C8orf74: variants seen among roughly 807,000 people sequenced by gnomAD.
The protein encoded by C8orf74 is chromosome 8 open reading frame 74, also known as uncharacterized protein C8orf74.
Under a neutral mutation model 22.2 loss-of-function variants are expected in C8orf74, and 29 were observed. That is an observed-to-expected ratio of 1.31 (90% CI 0.97 to 1.78). The LOEUF (loss-of-function observed/expected upper bound fraction) is 1.78, where lower values mean the gene tolerates loss of function less well. Among genes scored for constraint, C8orf74 ranks in the 40% most tolerant of loss-of-function variants. The pLI is 0.00. For synonymous variants in C8orf74, 255 were observed against 163.1 expected, an observed-to-expected ratio of 1.56 and a Z score of -4.30; for missense variants, 515 against 369.9, an observed-to-expected ratio of 1.39 and a Z score of -3.22.
chr8:10,680,347 A>G (rs6601502), intron 2 of C8orf74, among the ~76,000 whole-genome samples: 1 of 152,228 alleles, frequency 6.6e-6, no homozygotes, highest in African/African-American at 2.4e-5. Flanking sequence ...TACTTATAGG[A>G]AGGAGCAAAT....
intron 2 of C8orf74, chr8:10,680,122 T>C (rs1326589802): frequency 6.6e-6 from 1 of 152,246 alleles, no homozygotes; most frequent in Non-Finnish European, 1.5e-5. Context: ...GAGTTCAAGA[T>C]GCGCAGAGGC....
At chr8:10,696,441 C>CTTTTTTTTTTTTTTTTT (rs546082377) in intron 2 of C8orf74, among the ~76,000 whole-genome samples, 10 of 102,440 alleles carry the variant, frequency 9.8e-5, no homozygotes, top group South Asian at 3.2e-4. Flanking sequence ...CTTTTCTTTT[C>CTTTTTTTTTTTTTTTTT]TTTTTTTTTT....
Position 10,700,295 on chromosome 8 carries a change from C to A in C8orf74, c.709C>A (p.Leu237Met). ...CCAGATGGAGCTCCTGCAGGAGCTGCTGCAGCGCCAGATCCAGAACACATT... is the reference window on the plus strand; with the variant it reads ...CCAGATGGAGCTCCTGCAGGAGCTGATGCAGCGCCAGATCCAGAACACATT... ...HTQMELLQEL[L>M]QRQIQNTFAI... The change falls in exon 4 of 4, where the codon CTG becomes ATG. Residue 237 changes from leucine to methionine, a missense_variant. Transcript: ENST00000304519. 1 of 1,613,626 alleles carries A rather than the reference C, an allele frequency of 6.2e-7. No individual in the cohort carries two copies. Among genetic ancestry groups the A allele is most frequent in the Non-Finnish European group, 8.5e-7 (1 of 1,179,620 alleles).
rs1021511174 is a variant in C8orf74, at chr8:10,700,219, T to C, written c.649-16T>C. 6.4e-7 allele frequency: 1 copy of C among 1,563,252 alleles called. No individual in the cohort carries two copies. The highest frequency in any genetic ancestry group is 1.1e-5 in the South Asian group (1 of 87,260). Reference sequence around the variant, plus strand: ...GCTCCCCAGCCCTGCTCATCGGCCTTCCCCTTTCCTTCCAGGAGTTGGAGA... The same window carrying C: ...GCTCCCCAGCCCTGCTCATCGGCCTCCCCCTTTCCTTCCAGGAGTTGGAGA... On this transcript the variant is annotated splice_polypyrimidine_tract_variant and intron_variant, in intron 3 of 3. Transcript: ENST00000304519.
chr8:10,700,367 G>GCCCCCCCCCCCATACCCCCCCCCCACAC lies in C8orf74; in HGVS notation c.786_787insCCCCCCATACCCCCCCCCCACACCCCCC (p.Thr263ProfsTer66). ...TCAGAAGAAGACTCTGAACCTCAAC[G>GCCCCCCCCCCCATACCCCCCCCCCACAC]CCCCCACCCCTATCCCGCCCCCCAT... On this transcript the variant is annotated frameshift_variant, in exon 4 of 4. Coordinates refer to ENST00000304519, the MANE Select transcript of C8orf74 (RefSeq NM_001040032.2). LOFTEE classifies it low-confidence loss of function (END_TRUNC). 1.9e-6 allele frequency: 3 copies of GCCCCCCCCCCCATACCCCCCCCCCACAC among 1,590,926 alleles called. No homozygotes were observed. The highest frequency in any genetic ancestry group is 2.6e-6 in the Non-Finnish European group (3 of 1,159,756).
chr8:10,698,081 A>G, intron 3 of C8orf74, 76 bp downstream of exon 3: 1 of 1,377,126 alleles, frequency 7.3e-7, no homozygotes, highest in South Asian at 1.5e-5. Context: ...GTCACTGCAG[A>G]TGGGAGCTCC....
intron 2 of C8orf74, among the ~76,000 whole-genome samples, chr8:10,687,826 C>A (rs1227330107): frequency 6.6e-6 from 1 of 152,040 alleles, no homozygotes; most frequent in African/African-American, 2.4e-5. Context: ...GAGAAAAATG[C>A]ATAAATTATA....
In C8orf74 at chr8:10,674,699, C is replaced by A. The variant is rs753430473; in HGVS notation, c.102C>A (p.Asp34Glu). Residue 34 changes from aspartate to glutamate, a missense_variant, in exon 2 of 4, where the codon GAC becomes GAA. By Grantham distance (45) the Asp-to-Glu change is conservative. Coordinates refer to ENST00000304519, the MANE Select transcript of C8orf74 (RefSeq NM_001040032.2). The stretch of plus-strand genomic sequence containing the variant: ...GGCTTCTGAACTGGGAGGAGTTTGA[C>A]GAACAGAGAGACTCCCGGAGGAGCA... ...LRRLLNWEEFDEQRDSRRSIL... is the reference protein window; with the variant it reads ...LRRLLNWEEFEEQRDSRRSIL... 1 of 1,609,742 alleles carries A rather than the reference C, an allele frequency of 6.2e-7. No individual in the cohort carries two copies. Among genetic ancestry groups the A allele is most frequent in the Non-Finnish European group, 8.5e-7 (1 of 1,178,074 alleles).
At chr8:10,697,490 G>A in intron 2 of C8orf74, 109 bp from the exon 3 acceptor site, 3 of 854,702 alleles carry the variant, frequency 3.5e-6, no homozygotes, top group East Asian at 5.0e-5. Flanking sequence ...AAAATGCAGT[G>A]GGGACATGGG....
chr8:10,697,658 C>T lies in C8orf74; in HGVS notation c.301C>T (p.His101Tyr), dbSNP rs754654569. 1.2e-6 allele frequency: 2 copies of T among 1,613,968 alleles called. No homozygotes were observed. Among genetic ancestry groups the T allele is most frequent in the Admixed American group, 1.7e-5 (1 of 60,022 alleles). The part of the protein sequence containing the change: ...LGNKLRDYRG[H>Y]FNTTHLLALC... ...GAACAAGCTTAGAGATTACCGGGGC[C>T]ATTTCAACACCACCCACCTGCTGGC... The change falls in exon 3 of 4, where the codon CAT becomes TAT. Residue 101 changes from histidine (H) to tyrosine (Y), a missense_variant. Physicochemically the swap from His to Tyr is moderately conservative, Grantham distance 83. Transcript: ENST00000304519.
chr8:10,696,102 C>G (rs1799491425), intron 2 of C8orf74, among the ~76,000 whole-genome samples: 1 of 152,048 alleles, frequency 6.6e-6, no homozygotes, highest in Non-Finnish European at 1.5e-5. Flanking sequence ...CATTTGCTCA[C>G]CAGGGTAGGC....
chr8:10,684,431 T>C (rs537672917), intron 2 of C8orf74, among the ~76,000 whole-genome samples: 74 of 152,322 alleles, frequency 4.9e-4, no homozygotes, highest in Admixed American at 3.7e-3. Flanking sequence ...CAAGAGTCCA[T>C]GACAGTCTTT....
chr8:10,700,586 A>C lies in C8orf74; in HGVS notation c.*115A>C. ...GACTTCTTGTGATTAAAAGAAACAA[A>C]CCCATGCCATCATCTGGTCTCTGTC... On this transcript the variant is annotated 3_prime_UTR_variant, in exon 4 of 4. Coordinates refer to ENST00000304519, the MANE Select transcript of C8orf74 (RefSeq NM_001040032.2). 2 of 623,514 alleles carry C rather than the reference A, an allele frequency of 3.2e-6. No individual in the cohort carries two copies. The highest frequency in any genetic ancestry group is 2.7e-6 in the Non-Finnish European group (1 of 368,088). The allele number at this position is 623,514 out of a possible 1,614,324, so 38.6% of individuals were successfully genotyped here.
At chr8:10,678,562 C>T (rs952770526) in intron 2 of C8orf74, among the ~76,000 whole-genome samples, 4 of 146,610 alleles carry the variant, frequency 2.7e-5, no homozygotes, top group African/African-American at 1.0e-4. Flanking sequence ...GGAGATGGGG[C>T]AGGACCAGAG....
At chr8:10,680,652 G>C (rs1310578428) in intron 2 of C8orf74, among the ~76,000 whole-genome samples, 1 of 152,238 alleles carries the variant, frequency 6.6e-6, no homozygotes, top group Non-Finnish European at 1.5e-5. Flanking sequence ...GACCACCTCT[G>C]ACCTGGACTC....
chr8:10,698,189 T>G (rs1586055565), intron 3 of C8orf74, among the ~76,000 whole-genome samples, 184 bp downstream of exon 3: 1 of 152,228 alleles, frequency 6.6e-6, no homozygotes, highest in African/African-American at 2.4e-5. Context: ...TGTCCCTATT[T>G]TAGTGATGAG....
chr8:10,688,522 A>G (rs1263200412), intron 2 of C8orf74: 1 of 152,404 alleles, frequency 6.6e-6, no homozygotes, highest in African/African-American at 2.4e-5. Context: ...CATCAGTGCC[A>G]TCTTCAGTCC....
chr8:10,681,326 G>C (rs1486027337), intron 2 of C8orf74, among the ~76,000 whole-genome samples: 1 of 152,154 alleles, frequency 6.6e-6, no homozygotes, highest in Admixed American at 6.5e-5. Flanking sequence ...ATCACATCCA[G>C]CCATCTCCCC....
rs566501974 is a variant in C8orf74 at position 10,698,014 on chromosome 8, C to A, written c.648+9C>A. 1.4e-6 allele frequency: 2 copies of A among 1,456,918 alleles called. No individual in the cohort carries two copies. Among genetic ancestry groups the A allele is most frequent in the African/African-American group, 2.8e-5 (2 of 70,982 alleles). The allele number at this position is 1,456,918 out of a possible 1,614,324, so 90.2% of individuals were successfully genotyped here. A position where few individuals can be genotyped will look rare whatever the true frequency, so the allele number is the denominator to read the frequency against. ...AGGTCCTGGAGAGACAGGTGAGGCT[C>A]TGCCCCCCTGCCGTGGGTGGGCACC... On this transcript the variant is annotated intron_variant, in intron 3 of 3. Transcript: ENST00000304519.
Sources: allele counts gnomAD v4.1 joint callset (sites outside exome capture counted in the v4.1 genomes callset), GRCh38; gene constraint gnomAD v4.1.1; transcripts MANE v1.5; gene names NCBI Gene and HGNC (gene_info 2026-07-23, HGNC 2026-07-21).